The following RPAP1 variants were observed in gnomAD, a reference collection of about 807,000 sequenced individuals.
RPAP1 encodes RNA polymerase II-associated protein 1.
Under a neutral mutation model 142.4 loss-of-function variants are expected in RPAP1, and 109 were observed. The observed-to-expected ratio is 0.77, with a 90% CI of 0.66 to 0.90. The LOEUF (loss-of-function observed/expected upper bound fraction) is 0.90. Ranked by LOEUF, RPAP1 falls within the 40% of genes least tolerant of loss-of-function variation. The pLI is 0.00. For missense variants in RPAP1, 1,546 were observed against 1,751.7 expected (o/e 0.88, Z 2.10); for synonymous variants, 704 against 738.9 (o/e 0.95, Z 0.77).
chr15:41,540,917 C>A (rs561602154), intron 1 of RPAP1, among the ~76,000 whole-genome samples: 1 of 152,124 alleles, frequency 6.6e-6, no homozygotes, highest in Non-Finnish European at 1.5e-5. Context: ...AGCTGTCCTG[C>A]GCACTGTAGG....
rs779181015 is a variant in RPAP1, at chr15:41,526,883, C to T, written c.1917+15G>A. 27 of 1,600,646 alleles carry T rather than the reference C, an allele frequency of 1.7e-5. No homozygotes were observed. In the East Asian group the frequency reaches 6.1e-4, roughly 36 times the overall value. On this transcript the variant is annotated intron_variant, in intron 14 of 24. Coordinates refer to ENST00000304330, the MANE Select transcript of RPAP1 (RefSeq NM_015540.4). ...CCCATGCATTCCCCCATCCCTTGCC[C>T]TGTGTCCTGCTCACCAGCCGGGCAG...
chr15:41,523,619 G>A, intron 17 of RPAP1, 152 bp downstream of exon 17: 1 of 789,984 alleles, frequency 1.3e-6, no homozygotes, highest in Non-Finnish European at 2.0e-6. Flanking sequence ...GGGATATGGA[G>A]GTAGAAAGAG....
rs1261733757 is a variant in RPAP1, at chr15:41,531,148, C to T, written c.818G>A (p.Gly273Glu). ...RSHSHTQEQT[G>E]ETASEEQRPG... is the part of the protein sequence containing the mutation. ...CCTCTGCTCCTCAGAGGCTGTCTCT[C>T]CTGTTTGCTCTTGCGTGTGGCTGTG... The change falls in exon 7 of 25, where the codon GGA (glycine) becomes GAA (glutamate). Residue 273 changes from glycine (G) to glutamate (E), a missense_variant. Transcript: ENST00000304330. 6.2e-7 allele frequency: 1 copy of T among 1,613,930 alleles called. No homozygotes were observed. Among genetic ancestry groups the T allele is most frequent in the Non-Finnish European group, 8.5e-7 (1 of 1,179,888 alleles).
chr15:41,522,130 G>A lies in RPAP1; in HGVS notation c.2863C>T (p.Gln955Ter). The part of the protein sequence containing the change: ...AWALRHEYHL[Q>*]YLALALAQKA... ...TGGGCCAGAGCGAGTGCCAGGTACT[G>A]CAGGTGGTACTCATGGCGCAGGGCC... Residue 955 changes from glutamine to a stop codon, truncating the protein, a stop_gained, in exon 20 of 25, where the codon CAG (glutamine) becomes TAG (stop). Transcript: ENST00000304330. LOFTEE classifies it high-confidence loss of function. The A allele has an allele frequency of 6.2e-7, 1 of 1,613,890 alleles. No homozygotes were observed. The highest frequency in any genetic ancestry group is 1.1e-5 in the South Asian group (1 of 91,060).
intron 15 of RPAP1, among the ~76,000 whole-genome samples, chr15:41,524,498 TTC>T (rs2051768355): frequency 7.0e-6 from 1 of 142,886 alleles, no homozygotes; most frequent in African/African-American, 2.7e-5. Context: ...TTTTGAGACA[TTC>T]TCTGTTGCCC....
At position 41,523,369 on chromosome 15, in the gene RPAP1, AATT is replaced by A; in HGVS notation, c.2437-18_2437-16del. 1.3e-6 allele frequency: 2 copies of A among 1,506,970 alleles called. No homozygotes were observed. Among genetic ancestry groups the A allele is most frequent in the Non-Finnish European group, 1.8e-6 (2 of 1,093,782 alleles). 93.3% of individuals were successfully genotyped at this position (1,506,970 alleles called of 1,614,324 possible). ...CATGAGCTTGGCTGGTGGACCAAGG[AATT>A]CACTGAGCTGATGGCCCAGCCATTC... On this transcript the variant is annotated splice_polypyrimidine_tract_variant and intron_variant, in intron 17 of 24. Transcript: ENST00000304330.
rs557836894 is a variant in RPAP1 at position 41,542,394 on chromosome 15, G to A, written c.-77+1825C>T. On this transcript the variant is annotated intron_variant, in intron 1 of 24. Transcript: ENST00000304330. Reference sequence around the variant, plus strand: ...ATCAGTGCTACACGATTTCAGAGGTGGGAAAAATCCCTAAAGGTTAAAAAT... The same window carrying A: ...ATCAGTGCTACACGATTTCAGAGGTAGGAAAAATCCCTAAAGGTTAAAAAT... Among the ~76,000 whole-genome samples, 149 of 152,148 alleles carry A rather than the reference G, an allele frequency of 9.8e-4. 1 individual carries two copies. The highest frequency in any genetic ancestry group is 4.3e-4 in the Non-Finnish European group (29 of 68,006).
rs746232426 is a variant in RPAP1 at position 41,523,251 on chromosome 15, G to A, written c.2540C>T (p.Ser847Phe). ...SQPTLGSLWD[S>F]LRHCSLLCNP... ...TACCAAACACAGTACATACCTAAGG[G>A]AATCCCACAGGCTGCCCAGTGTGGG... The change falls in exon 18 of 25, where the codon TCC (serine) becomes TTC (phenylalanine). Residue 847 changes from serine to phenylalanine, a missense_variant. By Grantham distance (155) the Ser-to-Phe change is radical. Transcript: ENST00000304330. The A allele has an allele frequency of 1.9e-6, 3 of 1,593,224 alleles. No individual in the cohort carries two copies. The Admixed American group carries it at 5.3e-5, about 28-fold the overall frequency.
At chr15:41,525,630 C>T (rs1283616360) in intron 14 of RPAP1, among the ~76,000 whole-genome samples, 5 of 151,278 alleles carry the variant, frequency 3.3e-5, no homozygotes, top group Admixed American at 2.6e-4. Context: ...AGCCACCGCA[C>T]CCAGCCCCTA....
At chr15:41,520,287 TA>T in intron 22 of RPAP1, 103 bp downstream of exon 22, 1 of 1,270,306 alleles carries the variant, frequency 7.9e-7, no homozygotes, top group Non-Finnish European at 1.1e-6. Context: ...CCCCAAGAGG[TA>T]AGATGAGGAA....
At position 41,528,205 on chromosome 15, in the gene RPAP1, T is replaced by C. The variant is rs368298563; in HGVS notation, c.1260+30A>G. 11 of 1,568,116 alleles carry C rather than the reference T, an allele frequency of 7.0e-6. No individual in the cohort carries two copies. The African/African-American group carries it at 1.3e-4, about 19-fold the overall frequency. On this transcript the variant is annotated intron_variant, in intron 10 of 24. Transcript: ENST00000304330. ...TGAGGCTGTGGGGTGAAGGGAAGGG[T>C]GGGCAGGACCAGGCTGGCAATCCAC...
chr15:41,524,998 G>T lies in RPAP1; in HGVS notation c.2068C>A (p.Leu690Ile). 1 of 1,613,406 alleles carries T rather than the reference G, an allele frequency of 6.2e-7. No individual in the cohort carries two copies. Among genetic ancestry groups the T allele is most frequent in the Non-Finnish European group, 8.5e-7 (1 of 1,179,778 alleles). Reference protein sequence around the residue: ...VAASYGQGGYLYRELYPVLMR... With the variant: ...VAASYGQGGYIYRELYPVLMR... ...CCCCCTGCCTCTCCTCACCTGTAAAGGTAACCGCCCTGGCCATAGGAGGCA... is the reference window on the plus strand; with the variant it reads ...CCCCCTGCCTCTCCTCACCTGTAAATGTAACCGCCCTGGCCATAGGAGGCA... Residue 690 changes from leucine to isoleucine, a missense_variant, in exon 15 of 25, where the codon CTT becomes ATT. By Grantham distance (5) the Leu-to-Ile change is conservative. Coordinates refer to ENST00000304330, the MANE Select transcript of RPAP1 (RefSeq NM_015540.4).
In RPAP1 at chr15:41,531,211, G is replaced by A. The variant is rs375325758; in HGVS notation, c.764-9C>T. 116 of 1,606,074 alleles carry A rather than the reference G, an allele frequency of 7.2e-5. No individual in the cohort carries two copies. The highest frequency in any genetic ancestry group is 8.9e-5 in the Non-Finnish European group (105 of 1,173,512). On this transcript the variant is annotated splice_polypyrimidine_tract_variant and intron_variant, in intron 6 of 24. Transcript: ENST00000304330. ...AGCAACCAAGCTGGGGTCTAGAGGCGAAGGTAGAGGGGAGAGTGAGTGAGG... is the reference window on the plus strand; with the variant it reads ...AGCAACCAAGCTGGGGTCTAGAGGCAAAGGTAGAGGGGAGAGTGAGTGAGG...
At position 41,527,440 on chromosome 15, in the gene RPAP1, G is replaced by A. The variant is rs780790851; in HGVS notation, c.1594C>T (p.Arg532Ter). The change falls in exon 12 of 25, where the codon CGA (arginine) becomes TGA (stop). Residue 532 changes from arginine (R) to a stop codon, truncating the protein, a stop_gained. Transcript: ENST00000304330. LOFTEE classifies it high-confidence loss of function. ...EESRPPPDLARHDVIKGLLAT... is the reference protein window; with the variant it reads ...EESRPPPDLA ...CCCTTTACCTTGATGACATCATGTC[G>A]GGCCAGGTCAGGTGGAGGCCGGCTT... 1.5e-5 allele frequency: 24 copies of A among 1,614,036 alleles called. No individual in the cohort carries two copies. The highest frequency in any genetic ancestry group is 8.0e-5 in the African/African-American group (6 of 74,918).
Position 41,520,799 on chromosome 15 carries a change from GGC to G in RPAP1, c.3385_3386del (p.Ala1129HisfsTer39). ...GLSPTDTMGT[A>X]MRVLQWVLVL... ...CTAGCACCCACTGCAGGACCCGCAT[GGC>G]TGTGCCCATGGTGTCTGTGGGAGAG... On this transcript the variant is annotated frameshift_variant, in exon 22 of 25. Coordinates refer to ENST00000304330, the MANE Select transcript of RPAP1 (RefSeq NM_015540.4). LOFTEE classifies it high-confidence loss of function. The G allele has an allele frequency of 1.2e-6, 2 of 1,613,862 alleles. No homozygotes were observed. The highest frequency in any genetic ancestry group is 2.2e-5 in the South Asian group (2 of 91,078).
At chr15:41,533,799 T>C (rs2412619) in intron 6 of RPAP1, among the ~76,000 whole-genome samples, 46,310 of 150,116 alleles carry the variant, frequency 0.31, 7,746 homozygotes, top group Admixed American at 0.39. Flanking sequence ...GATTGCGCCA[T>C]TGCACTCCAG....
intron 1 of RPAP1, among the ~76,000 whole-genome samples, chr15:41,539,295 TTTG>T (rs949716819): frequency 1.3e-5 from 2 of 151,948 alleles, no homozygotes; most frequent in African/African-American, 4.8e-5. Context: ...TTTTTTGTTT[TTTG>T]TTTTTTGTTT....
intron 8 of RPAP1, 81 bp from the exon 9 acceptor site, chr15:41,529,649 CT>C: frequency 1.8e-6 from 2 of 1,081,950 alleles, no homozygotes; most frequent in Non-Finnish European, 2.8e-6. Context: ...AATCCCAGGC[CT>C]TTCAGGACTT....
At chr15:41,543,454 C>T (rs2051990771) in intron 1 of RPAP1, among the ~76,000 whole-genome samples, 1 of 151,894 alleles carries the variant, frequency 6.6e-6, no homozygotes, top group Admixed American at 6.6e-5. Context: ...CTCAGGTGAC[C>T]CGCCCGCCTC....
Sources: allele counts gnomAD v4.1 joint callset (sites outside exome capture counted in the v4.1 genomes callset), GRCh38; gene constraint gnomAD v4.1.1; transcripts MANE v1.5; gene names NCBI Gene and HGNC (gene_info 2026-07-23, HGNC 2026-07-21).